ZNF724: variants seen among roughly 807,000 people sequenced by gnomAD.
The protein encoded by ZNF724 is zinc finger protein 724 pseudogene.
In ZNF724, 14 loss-of-function variants were observed where a neutral mutation model predicts 29.3. The ratio of observed to expected loss-of-function variants is 0.48; its 90% CI spans 0.32 to 0.75. The LOEUF is 0.75. Among genes scored for constraint, ZNF724 ranks in the 30% least tolerant of loss-of-function variants. The probability of loss-of-function intolerance (pLI) is 0.04; values close to 1 mark genes in which losing one functional copy is unlikely to be tolerated. For missense variants in ZNF724, 557 were observed against 571.2 expected (o/e 0.98, Z 0.25); for synonymous variants, 180 against 193.6 (o/e 0.93, Z 0.58).
At chr19:23,244,749 T>C (rs1972208344) in intron 1 of ZNF724, among the ~76,000 whole-genome samples, 1 of 152,144 alleles carries the variant, frequency 6.6e-6, no homozygotes, top group Non-Finnish European at 1.5e-5. Flanking sequence ...ATATTGTTCT[T>C]ACTACAGTTG....
chr19:23,249,318 A>C (rs1435144565), intron 1 of ZNF724, among the ~76,000 whole-genome samples: 4 of 143,362 alleles, frequency 2.8e-5, no homozygotes, highest in African/African-American at 1.0e-4. Context: ...ATCTTGGCTC[A>C]CTGCAACCTC....
At position 23,223,353 on chromosome 19, in the gene ZNF724, T is replaced by A. The variant is rs751103140; in HGVS notation, c.892A>T (p.Thr298Ser). The change falls in exon 4 of 4, where the codon ACT (threonine) becomes TCT (serine). Residue 298 changes from threonine to serine, a missense_variant. By Grantham distance (58) the Thr-to-Ser change is moderately conservative (BLOSUM62 1). Around this residue, in one of 3 missense-constraint regions of ZNF724, gnomAD observed 362 missense variants for 295.5 expected, o/e 1.22. Coordinates refer to ENST00000418100, the MANE Select transcript of ZNF724 (RefSeq NM_001355404.2). Reference protein sequence around the residue: ...GKAFNQSSTLTRHKIIHAGEK... With the variant: ...GKAFNQSSTLSRHKIIHAGEK... The stretch of plus-strand genomic sequence containing the variant: ...CCAGCATGAATTATCTTATGTCTAG[T>A]AAGGGTTGATGATTGGTTAAAAGCT... 2.0e-5 allele frequency: 15 copies of A among 769,132 alleles called. No individual in the cohort carries two copies. Among genetic ancestry groups the A allele is most frequent in the Non-Finnish European group, 2.9e-5 (12 of 413,232 alleles). The allele number at this position is 769,132 out of a possible 1,614,324, so 47.6% of individuals were successfully genotyped here.
chr19:23,242,757 A>T (rs1173351998), intron 1 of ZNF724: 3 of 142,170 alleles, frequency 2.1e-5, no homozygotes, highest in Non-Finnish European at 4.5e-5. Flanking sequence ...ATAATAATAC[A>T]GGCCGGGCGT....
intron 1 of ZNF724, among the ~76,000 whole-genome samples, chr19:23,246,988 C>T (rs575107675): frequency 9.2e-5 from 14 of 152,160 alleles, no homozygotes; most frequent in African/African-American, 3.1e-4. Context: ...TTTGGGAGGC[C>T]GAGGTGGGCG....
intron 3 of ZNF724, among the ~76,000 whole-genome samples, chr19:23,229,687 T>C (rs1971901109): frequency 6.6e-6 from 1 of 152,206 alleles, no homozygotes; most frequent in Non-Finnish European, 1.5e-5. Flanking sequence ...ATAGCAGCCT[T>C]GTGAGCAACC....
Position 23,223,421 on chromosome 19 carries a change from ATTATC to A in ZNF724, c.819_823del (p.Lys273AsnfsTer11), listed in dbSNP as rs746808696. The A allele has an allele frequency of 6.5e-6, 5 of 770,884 alleles. No individual in the cohort carries two copies. Among genetic ancestry groups the A allele is most frequent in the Admixed American group, 3.5e-5 (2 of 57,378 alleles). 47.8% of individuals were successfully genotyped at this position (770,884 alleles called of 1,614,324 possible). On this transcript the variant is annotated frameshift_variant, in exon 4 of 4. Transcript: ENST00000418100. LOFTEE classifies it high-confidence loss of function. ...TTTGTAGGCATTCTCTCCAGTATGA[ATTATC>A]TTATGTGTAGTAAGGTGTGAGGATA...
chr19:23,227,105 T>C (rs1004757357), intron 3 of ZNF724, among the ~76,000 whole-genome samples: 3 of 152,190 alleles, frequency 2.0e-5, no homozygotes, highest in African/African-American at 7.2e-5. Context: ...TGGCATTAAC[T>C]ATATGGTAGT....
intron 1 of ZNF724, among the ~76,000 whole-genome samples, chr19:23,234,149 TC>T (rs1971985370): frequency 6.6e-6 from 1 of 152,118 alleles, no homozygotes; most frequent in Non-Finnish European, 1.5e-5. Context: ...CCTGTGACCA[TC>T]CTTCAGTGGA....
chr19:23,243,855 G>A (rs913526778), intron 1 of ZNF724, among the ~76,000 whole-genome samples: 12 of 150,722 alleles, frequency 8.0e-5, no homozygotes, highest in African/African-American at 2.0e-4. Flanking sequence ...CCCAGGAAGC[G>A]GAGGCTGCAG....
chr19:23,249,907 C>A (rs1328556781), intron 1 of ZNF724, among the ~76,000 whole-genome samples: 1 of 152,126 alleles, frequency 6.6e-6, no homozygotes, highest in Non-Finnish European at 1.5e-5. Flanking sequence ...TTCATGAACC[C>A]GCTCCCCGAG....
intron 1 of ZNF724, among the ~76,000 whole-genome samples, chr19:23,235,927 T>C (rs1019746391): frequency 6.6e-5 from 10 of 152,120 alleles, no homozygotes; most frequent in African/African-American, 4.8e-5. Flanking sequence ...TCTTAAGAGA[T>C]TGCAAAGACA....
At position 23,232,302 on chromosome 19, in the gene ZNF724, TAC is replaced by T. The variant is rs534165286; in HGVS notation, c.4-11_4-10del. On this transcript the variant is annotated splice_polypyrimidine_tract_variant and intron_variant, in intron 1 of 3. Transcript: ENST00000418100. ...ATAAATGTCAATGGTCCCTGAAAAG[TAC>T]ACACACACATATTTACGAAGTGGCC... 286 of 1,200,290 alleles carry T rather than the reference TAC, an allele frequency of 2.4e-4. No homozygotes were observed. In the African/African-American group the frequency reaches 3.2e-3, roughly 14 times the overall value. 74.4% of individuals were successfully genotyped at this position (1,200,290 alleles called of 1,614,324 possible).
intron 1 of ZNF724, among the ~76,000 whole-genome samples, chr19:23,249,006 CA>C (rs1326209020): frequency 1.6e-5 from 2 of 126,746 alleles, no homozygotes; most frequent in Admixed American, 1.9e-4. Context: ...AACAAACAAA[CA>C]AACAAAAAAA....
Position 23,221,947 on chromosome 19 carries a change from T to C in ZNF724, c.*438A>G, listed in dbSNP as rs1971722969. ...CTTCACTTTAAAGGCTTATATTTTC[T>C]GAAAAATCTATTGACAGTAATTTCA... is the stretch of plus-strand genomic sequence containing the variant. On this transcript the variant is annotated 3_prime_UTR_variant, in exon 4 of 4. Transcript: ENST00000418100. 6.2e-6 allele frequency: 1 copy of C among 160,934 alleles called. No individual in the cohort carries two copies. The highest frequency in any genetic ancestry group is 1.4e-5 in the Non-Finnish European group (1 of 73,204). 10.0% of individuals were successfully genotyped at this position (160,934 alleles called of 1,614,324 possible).
intron 1 of ZNF724, among the ~76,000 whole-genome samples, chr19:23,235,771 C>A (rs12462584): frequency 6.6e-6 from 1 of 152,070 alleles, no homozygotes; most frequent in South Asian, 2.1e-4. Flanking sequence ...TTCATATCAC[C>A]TCTAGTAATT....
At chr19:23,238,345 C>T (rs1289328087) in intron 1 of ZNF724, among the ~76,000 whole-genome samples, 3 of 148,282 alleles carry the variant, frequency 2.0e-5, no homozygotes, top group South Asian at 2.2e-4. Context: ...AGCCTGGAAG[C>T]GAGACTCCAC....
At chr19:23,232,107 C>A in intron 2 of ZNF724, 60 bp downstream of exon 2, 2 of 1,204,654 alleles carry the variant, frequency 1.7e-6, no homozygotes, top group South Asian at 1.3e-5. Context: ...AAACATCCTA[C>A]AAAAAAACAA....
intron 3 of ZNF724, among the ~76,000 whole-genome samples, chr19:23,225,378 GTGGAT>G (rs1971809036): frequency 6.6e-6 from 1 of 152,130 alleles, no homozygotes; most frequent in Non-Finnish European, 1.5e-5. Flanking sequence ...GCAGAAGCGG[GTGGAT>G]CACCTGAGGT....
chr19:23,231,524 T>C (rs552931706), intron 2 of ZNF724, among the ~76,000 whole-genome samples, 163 bp from the exon 3 acceptor site: 1 of 152,308 alleles, frequency 6.6e-6, no homozygotes, highest in Non-Finnish European at 1.5e-5. Flanking sequence ...AGGTCCTTAA[T>C]TTTACTACTT....
Sources: allele counts gnomAD v4.1 joint callset (sites outside exome capture counted in the v4.1 genomes callset), GRCh38; gene constraint gnomAD v4.1.1; regional missense constraint gnomAD v4.1.1; transcripts MANE v1.5; gene names NCBI Gene and HGNC (gene_info 2026-07-23, HGNC 2026-07-21).